GALNT17: variants seen among roughly 807,000 people sequenced by gnomAD.
The protein encoded by GALNT17 is UDP-GalNAc:polypeptide N-acetylgalactosaminyltransferase-like 3.
GALNT17 carries 29 observed loss-of-function variants against 63.7 expected under a neutral mutation model. The ratio of observed to expected loss-of-function variants is 0.46; its 90% confidence interval spans 0.34 to 0.62. The LOEUF (loss-of-function observed/expected upper bound fraction) is 0.62. GALNT17 is among the 20% of genes least tolerant of loss of function. The pLI, the probability that GALNT17 is intolerant of heterozygous loss-of-function variation, is 0.01. For missense variants in GALNT17, 603 were observed against 799.6 expected (o/e 0.75, Z 2.97); for synonymous variants, 305 against 318.3 (o/e 0.96, Z 0.45).
chr7:71,571,432 T>C, intron 6 of GALNT17, 30 bp downstream of exon 6: 11 of 1,583,370 alleles, frequency 6.9e-6, no homozygotes, highest in Non-Finnish European at 9.5e-6. Flanking sequence ...TTCCTCTTGG[T>C]GTGCCCATGT....
At chr7:71,550,855 T>C (rs1293649158) in intron 5 of GALNT17, among the ~76,000 whole-genome samples, 2 of 152,160 alleles carry the variant, frequency 1.3e-5, no homozygotes, top group African/African-American at 4.8e-5. Context: ...TTTTTTTAAA[T>C]CTCTGATTTT....
chr7:71,198,593 G>T (rs1052082285), intron 1 of GALNT17, among the ~76,000 whole-genome samples: 3 of 152,206 alleles, frequency 2.0e-5, no homozygotes, highest in African/African-American at 7.2e-5. Flanking sequence ...ACGCTAGTTG[G>T]ACTGACACCA....
At chr7:71,325,947 G>T (rs558332685) in intron 1 of GALNT17, among the ~76,000 whole-genome samples, 1 of 152,150 alleles carries the variant, frequency 6.6e-6, no homozygotes. Context: ...ACCTGCCAAC[G>T]TATATTTAAA....
chr7:71,235,758 G>A lies in GALNT17; in HGVS notation c.239-99792G>A, dbSNP rs571140940. Among the ~76,000 whole-genome samples the A allele has an allele frequency of 2.6e-5, 4 of 152,246 alleles. No homozygotes were observed. In the South Asian group the frequency reaches 6.2e-4, roughly 24 times the overall value. On this transcript the variant is annotated intron_variant, in intron 1 of 10. Transcript: ENST00000333538. ...CCTGGGTTCCCCCAGCTCCAGCACCGGGAAGCATGAGGAAGGGGGTGCCCT... is the reference window on the plus strand; with the variant it reads ...CCTGGGTTCCCCCAGCTCCAGCACCAGGAAGCATGAGGAAGGGGGTGCCCT...
chr7:71,511,405 G>A lies in GALNT17; in HGVS notation c.963-59880G>A, dbSNP rs552818029. On this transcript the variant is annotated intron_variant, in intron 5 of 10. Transcript: ENST00000333538. ...CTGCAAGCAACCCTCGTGGCCCTAG[G>A]CAATTTTATTGCAACAGCAATGGGA... 1.6e-4 allele frequency among the ~76,000 whole-genome samples: 25 copies of A among 152,230 alleles called. No individual in the cohort carries two copies. The South Asian group carries it at 5.2e-3, about 32-fold the overall frequency.
At chr7:71,242,607 C>T (rs571808845) in intron 1 of GALNT17, among the ~76,000 whole-genome samples, 2 of 152,164 alleles carry the variant, frequency 1.3e-5, no homozygotes, top group South Asian at 2.1e-4. Flanking sequence ...AGGGGATGAA[C>T]GTCCAAACTG....
At chr7:71,270,569 A>T (rs531678932) in intron 1 of GALNT17, among the ~76,000 whole-genome samples, 1 of 147,060 alleles carries the variant, frequency 6.8e-6, no homozygotes, top group Admixed American at 6.8e-5. Context: ...AAAGAAACGA[A>T]TTTTCTAAAC....
intron 1 of GALNT17, among the ~76,000 whole-genome samples, chr7:71,174,318 A>G (rs1788597995): frequency 6.6e-6 from 1 of 152,192 alleles, no homozygotes; most frequent in Admixed American, 6.5e-5. Flanking sequence ...AGCAGAGGCC[A>G]TGACCGCACA....
intron 1 of GALNT17, among the ~76,000 whole-genome samples, chr7:71,140,355 C>T (rs1291724813): frequency 6.6e-6 from 1 of 152,174 alleles, no homozygotes; most frequent in Non-Finnish European, 1.5e-5. Context: ...CCCTTTACCT[C>T]CAAGGACTCA....
intron 9 of GALNT17, among the ~76,000 whole-genome samples, chr7:71,696,046 C>T (rs1014245021): frequency 2.0e-5 from 3 of 152,190 alleles, no homozygotes; most frequent in African/African-American, 7.2e-5. Flanking sequence ...TACTCCAAAG[C>T]AGATCTGAAT....
At position 71,712,230 on chromosome 7, in the gene GALNT17, G is replaced by A; in HGVS notation, c.*84G>A. On this transcript the variant is annotated 3_prime_UTR_variant, in exon 11 of 11. Coordinates refer to ENST00000333538, the MANE Select transcript of GALNT17 (RefSeq NM_022479.3). ...TCTGGACCAGCTGCCCTGGCGGAGA[G>A]ACAGCAAGGGGCCGGCAGGTGCTCG... 6.5e-7 allele frequency: 1 copy of A among 1,543,238 alleles called. No homozygotes were observed. Among genetic ancestry groups the A allele is most frequent in the South Asian group, 1.2e-5 (1 of 81,702 alleles).
chr7:71,285,056 A>G (rs558283249), intron 1 of GALNT17, among the ~76,000 whole-genome samples: 4 of 152,238 alleles, frequency 2.6e-5, no homozygotes, highest in Non-Finnish European at 5.9e-5. Context: ...GCAAAAGTAA[A>G]TATCTATTTT....
At chr7:71,367,078 G>T (rs1395093493) in intron 2 of GALNT17, among the ~76,000 whole-genome samples, 1 of 152,166 alleles carries the variant, frequency 6.6e-6, no homozygotes, top group East Asian at 1.9e-4. Context: ...TGTTAGGTAT[G>T]TATATTCATG....
intron 1 of GALNT17, among the ~76,000 whole-genome samples, chr7:71,248,185 A>T (rs890898905): frequency 6.6e-6 from 1 of 152,204 alleles, no homozygotes; most frequent in Non-Finnish European, 1.5e-5. Context: ...GGCAGAAAAG[A>T]CAGAGAGAGA....
At chr7:71,351,669 GA>G (rs1792190782) in intron 2 of GALNT17, among the ~76,000 whole-genome samples, 1 of 152,100 alleles carries the variant, frequency 6.6e-6, no homozygotes, top group Non-Finnish European at 1.5e-5. Context: ...GGCAAGGAAG[GA>G]TTCTCCTCTA....
chr7:71,179,241 C>G (rs1443555375), intron 1 of GALNT17, among the ~76,000 whole-genome samples: 1 of 152,184 alleles, frequency 6.6e-6, no homozygotes, highest in Non-Finnish European at 1.5e-5. Context: ...ATCAGAAACT[C>G]AAAAGAATGC....
At chr7:71,321,706 C>T (rs2116006069) in intron 1 of GALNT17, among the ~76,000 whole-genome samples, 1 of 149,632 alleles carries the variant, frequency 6.7e-6, no homozygotes, top group East Asian at 2.0e-4. Context: ...CTCCCAGGCT[C>T]AAGCAGTTCT....
intron 5 of GALNT17, among the ~76,000 whole-genome samples, chr7:71,435,834 A>G (rs1052270906): frequency 3.9e-5 from 6 of 151,986 alleles, no homozygotes; most frequent in African/African-American, 1.5e-4. Flanking sequence ...CCTGGCTAAC[A>G]CAGTGAAACC....
At chr7:71,278,385 C>T (rs12536849) in intron 1 of GALNT17, among the ~76,000 whole-genome samples, 20,907 of 152,196 alleles carry the variant, frequency 0.14, 1,522 homozygotes, top group Middle Eastern at 0.19. Context: ...CTGAAGAATC[C>T]TTCCTTGCCA....
Sources: allele counts gnomAD v4.1 joint callset (sites outside exome capture counted in the v4.1 genomes callset), GRCh38; gene constraint gnomAD v4.1.1; transcripts MANE v1.5; gene names NCBI Gene and HGNC (gene_info 2026-07-23, HGNC 2026-07-21).